SLC52A3: variants seen among roughly 807,000 people sequenced by gnomAD.
SLC52A3 encodes solute carrier family 52, riboflavin transporter, member 3.
A neutral mutation model predicts 29.5 loss-of-function variants in SLC52A3; 20 were observed. That is an observed-to-expected ratio of 0.68 (90% CI 0.48 to 0.99). The LOEUF (loss-of-function observed/expected upper bound fraction) is 0.99. Among genes scored for constraint, SLC52A3 ranks in the 50% least tolerant of loss-of-function variants. SLC52A3 has a pLI of 0.00. For synonymous variants in SLC52A3, 301 were observed against 271.0 expected, an observed-to-expected ratio of 1.11 and a Z score of -1.09; for missense variants, 548 against 612.9, an observed-to-expected ratio of 0.89 and a Z score of 1.12.
At chr20:761,400 G>A in intron 4 of SLC52A3, 162 bp from the exon 5 acceptor site, 1 of 857,412 alleles carries the variant, frequency 1.2e-6, no homozygotes, top group Non-Finnish European at 1.8e-6. Context: ...CCCATGAGTT[G>A]GCCGCCCGGG....
Position 765,287 on chromosome 20 carries a change from A to G in SLC52A3, c.488T>C (p.Leu163Pro). The change falls in exon 2 of 5, where the codon CTC becomes CCC. Residue 163 changes from leucine to proline, a missense_variant. This residue lies in a region of SLC52A3 where 375 missense variants were observed against 471.1 expected (regional missense o/e 0.80). Coordinates refer to ENST00000645534, the MANE Select transcript of SLC52A3 (RefSeq NM_033409.4). This position sits in a 1 kb window ranked among gnomAD's most constrained non-coding sequence, Gnocchi z 6.6. Reference protein sequence around the residue: ...ALVALAQGSGLTTCVNVTEIS... With the variant: ...ALVALAQGSGPTTCVNVTEIS... ...CTCAGTGACATTGACGCAGGTAGTG[A>G]GACCGGAGCCCTGGGCAAGAGCCAC... 6.2e-7 allele frequency: 1 copy of G among 1,614,168 alleles called. No homozygotes were observed. Among genetic ancestry groups the G allele is most frequent in the East Asian group, 2.2e-5 (1 of 44,872 alleles).
rs774918391 is a variant in SLC52A3 at position 763,693 on chromosome 20, G to C, written c.878C>G (p.Ala293Gly). ...GGCCAGGTGCGCCGGGCAGCAGGGGGCTGCTTTCTCCTCTAGATACCCCTG... is the reference window on the plus strand; with the variant it reads ...GGCCAGGTGCGCCGGGCAGCAGGGGCCTGCTTTCTCCTCTAGATACCCCTG... Reference protein sequence around the residue: ...QGQGYLEEKAAPCCPAHLAFI... With the variant: ...QGQGYLEEKAGPCCPAHLAFI... The change falls in exon 3 of 5, where the codon GCC becomes GGC. Residue 293 changes from alanine (A) to glycine (G), a missense_variant. Around this residue, in one of 2 missense-constraint regions of SLC52A3, gnomAD observed 375 missense variants for 471.1 expected, o/e 0.80. Coordinates refer to ENST00000645534, the MANE Select transcript of SLC52A3 (RefSeq NM_033409.4). 1 of 1,614,144 alleles carries C rather than the reference G, an allele frequency of 6.2e-7. No individual in the cohort carries two copies. The highest frequency in any genetic ancestry group is 1.1e-5 in the South Asian group (1 of 91,084).
chr20:774,044 T>C (rs1307662759), intron 1 of SLC52A3, among the ~76,000 whole-genome samples: 1 of 152,144 alleles, frequency 6.6e-6, no homozygotes, highest in Non-Finnish European at 1.5e-5. Context: ...GTCTCTCCCA[T>C]TGGAGTGTAA....
upstream of SLC52A3, among the ~76,000 whole-genome samples, chr20:771,724 A>G (rs539934): frequency 0.64 from 95,636 of 150,230 alleles, 32,362 homozygotes; most frequent in East Asian, 0.94. Flanking sequence ...GGAACACAGA[A>G]CCCTCCATAT....
chr20:769,294 C>T (rs1450063089), upstream of SLC52A3, among the ~76,000 whole-genome samples: 2 of 152,190 alleles, frequency 1.3e-5, no homozygotes, highest in Non-Finnish European at 2.9e-5. Flanking sequence ...AGAAGTGGCC[C>T]CCCACTTTGG....
upstream of SLC52A3, among the ~76,000 whole-genome samples, chr20:769,239 G>A (rs1041673195): frequency 2.0e-5 from 3 of 152,214 alleles, no homozygotes; most frequent in Non-Finnish European, 1.5e-5. Context: ...TGGAGGGGAT[G>A]GCAAGCAACC....
At chr20:764,584 G>C in intron 2 of SLC52A3, among the ~76,000 whole-genome samples, 1 of 148,166 alleles carries the variant, frequency 6.7e-6, no homozygotes, top group Non-Finnish European at 1.5e-5. Flanking sequence ...GGGCCTTCAG[G>C]ACATGCCATC....
chr20:767,680 A>G (rs182463365), intron 1 of SLC52A3, among the ~76,000 whole-genome samples: 1 of 152,262 alleles, frequency 6.6e-6, no homozygotes. Flanking sequence ...TTTTAATAAG[A>G]GTTTTGATTT....
At chr20:767,383 G>A (rs1365905501) in intron 1 of SLC52A3, among the ~76,000 whole-genome samples, 4 of 151,410 alleles carry the variant, frequency 2.6e-5, no homozygotes, top group Admixed American at 1.3e-4. Flanking sequence ...TTGTGACAGA[G>A]TCTTACTCTG....
Position 765,660 on chromosome 20 carries a change from A to C in SLC52A3, c.115T>G (p.Tyr39Asp). 1 of 1,612,694 alleles carries C rather than the reference A, an allele frequency of 6.2e-7. No individual in the cohort carries two copies. The highest frequency in any genetic ancestry group is 1.1e-5 in the South Asian group (1 of 90,580). Residue 39 changes from tyrosine to aspartate, a missense_variant, in exon 2 of 5, where the codon TAC becomes GAC. Physicochemically the swap from Tyr to Asp is radical, Grantham distance 160 (BLOSUM62 -3). Transcript: ENST00000645534. The surrounding 1 kb of genome is among the most constrained non-coding windows in gnomAD (Gnocchi z 6.6). The part of the protein sequence containing the change: ...LLVMELPEGW[Y>D]LPSYLTVVIQ... ...ACCACCGTGAGGTAGGAGGGCAGGT[A>C]CCAGCCCTCGGGCAGCTCCATCACC...
intron 2 of SLC52A3, among the ~76,000 whole-genome samples, chr20:764,577 C>T (rs1238808527): frequency 1.4e-5 from 2 of 145,548 alleles, no homozygotes; most frequent in African/African-American, 5.0e-5. Context: ...GAAATAAGGG[C>T]CTTCAGGACA....
At chr20:777,155 G>C (rs1000564967), upstream of SLC52A3, among the ~76,000 whole-genome samples, 11 of 152,074 alleles carry the variant, frequency 7.2e-5, no homozygotes, top group African/African-American at 2.7e-4. Flanking sequence ...AGAATTGCTT[G>C]AGCCCGGGAG....
chr20:778,695 G>A (rs918166029), upstream of SLC52A3, among the ~76,000 whole-genome samples: 1 of 151,430 alleles, frequency 6.6e-6, no homozygotes, highest in Non-Finnish European at 1.5e-5. Context: ...CAGAGTGTGA[G>A]TTATGTGGCT....
upstream of SLC52A3, among the ~76,000 whole-genome samples, chr20:770,754 C>T (rs1296310351): frequency 2.0e-5 from 3 of 152,124 alleles, no homozygotes; most frequent in Non-Finnish European, 4.4e-5. The surrounding 1 kb of genome is among the most constrained non-coding windows in gnomAD (Gnocchi z 4.5). Context: ...TAGAGCAAGG[C>T]AAAAATAATA....
rs759031372 is a variant in SLC52A3, at chr20:765,645, G to A, written c.130C>T (p.Leu44Phe). 7 of 1,611,180 alleles carry A rather than the reference G, an allele frequency of 4.3e-6. No homozygotes were observed. Among genetic ancestry groups the A allele is most frequent in the East Asian group, 4.5e-5 (2 of 44,782 alleles). The change falls in exon 2 of 5, where the codon CTC (leucine) becomes TTC (phenylalanine). Residue 44 changes from leucine (L) to phenylalanine (F), a missense_variant. Physicochemically the swap from Leu to Phe is conservative, Grantham distance 22. This residue lies in a region of SLC52A3 where 375 missense variants were observed against 471.1 expected (regional missense o/e 0.80). Transcript: ENST00000645534. The surrounding 1 kb of genome is among the most constrained non-coding windows in gnomAD (Gnocchi z 6.6). ...LPEGWYLPSYLTVVIQLANIG... is the reference protein window; with the variant it reads ...LPEGWYLPSYFTVVIQLANIG... ...TTGGCCAGCTGGATGACCACCGTGA[G>A]GTAGGAGGGCAGGTACCAGCCCTCG...
chr20:762,559 C>T (rs1986526132), intron 3 of SLC52A3, among the ~76,000 whole-genome samples: 1 of 152,188 alleles, frequency 6.6e-6, no homozygotes, highest in Non-Finnish European at 1.5e-5. Flanking sequence ...CAGAGGTCTG[C>T]CTATACCCTT....
chr20:761,396 A>G (rs1223951625), intron 4 of SLC52A3, 158 bp from the exon 5 acceptor site: 3 of 883,638 alleles, frequency 3.4e-6, no homozygotes, highest in Non-Finnish European at 5.0e-6. Context: ...GGGTCCCATG[A>G]GTTGGCCGCC....
exon 1 of SLC52A3, chr20:775,974 G>C (rs1175338214): frequency 6.6e-6 from 1 of 152,448 alleles, no homozygotes; most frequent in Non-Finnish European, 1.5e-5. Flanking sequence ...CAGTTCCCCA[G>C]CCGCTCTGCA....
chr20:765,172 C>T lies in SLC52A3; in HGVS notation c.567+36G>A. The T allele has an allele frequency of 6.2e-7, 1 of 1,612,824 alleles. No homozygotes were observed. The highest frequency in any genetic ancestry group is 8.5e-7 in the Non-Finnish European group (1 of 1,178,960). On this transcript the variant is annotated intron_variant, in intron 2 of 4. Coordinates refer to ENST00000645534, the MANE Select transcript of SLC52A3 (RefSeq NM_033409.4). This position sits in a 1 kb window ranked among gnomAD's most constrained non-coding sequence, Gnocchi z 6.6. The stretch of plus-strand genomic sequence containing the variant: ...TCCCTCCCCTACATTTGTGATAAAG[C>T]CAAGTGCTGAGATGGCTCCGGGTGA...
Sources: allele counts gnomAD v4.1 joint callset (sites outside exome capture counted in the v4.1 genomes callset), GRCh38; gene constraint gnomAD v4.1.1; regional missense constraint gnomAD v4.1.1; non-coding constraint Gnocchi (gnomAD v3.1); transcripts MANE v1.5; gene names NCBI Gene and HGNC (gene_info 2026-07-23, HGNC 2026-07-21).